CSMD1: variants seen among roughly 807,000 people sequenced by gnomAD.
The protein encoded by CSMD1 is CUB and sushi domain-containing protein 1.
In CSMD1, 213 loss-of-function variants were observed where a neutral mutation model predicts 417.5. The ratio of observed to expected loss-of-function variants is 0.51; its 90% CI spans 0.46 to 0.57. The LOEUF is 0.57. Among genes scored for constraint, CSMD1 ranks in the 20% least tolerant of loss-of-function variants. The pLI, the probability that CSMD1 is intolerant of heterozygous loss-of-function variation, is 0.00. For synonymous variants in CSMD1, 2,862 were observed against 1,736.8 expected, an observed-to-expected ratio of 1.65 and a Z score of -16.11; for missense variants, 6,923 against 4,529.7, an observed-to-expected ratio of 1.53 and a Z score of -15.17.
intron 3 of CSMD1, among the ~76,000 whole-genome samples, chr8:4,158,042 C>G (rs1237626923): frequency 6.6e-6 from 1 of 152,058 alleles, no homozygotes; most frequent in African/African-American, 2.4e-5. Flanking sequence ...CTGCTCAAAG[C>G]TCCTGCTACC....
intron 23 of CSMD1, among the ~76,000 whole-genome samples, chr8:3,325,404 C>T (rs996102478): frequency 9.8e-5 from 15 of 152,346 alleles, no homozygotes; most frequent in African/African-American, 2.4e-4. Flanking sequence ...ACACTTAAGT[C>T]GTAAGCCTTG....
intron 3 of CSMD1, among the ~76,000 whole-genome samples, chr8:4,351,101 C>G (rs542740721): frequency 6.6e-6 from 1 of 151,964 alleles, no homozygotes; most frequent in African/African-American, 2.4e-5. Flanking sequence ...AGAGGATCGC[C>G]TGAGCCCAGG....
intron 3 of CSMD1, among the ~76,000 whole-genome samples, chr8:4,359,710 T>A (rs1012864349): frequency 6.6e-6 from 1 of 152,216 alleles, no homozygotes; most frequent in Non-Finnish European, 1.5e-5. Context: ...TGTGTTTGTC[T>A]ATAGACAGGA....
At chr8:3,674,932 C>T (rs930387209) in intron 7 of CSMD1, among the ~76,000 whole-genome samples, 10 of 152,268 alleles carry the variant, frequency 6.6e-5, no homozygotes, top group Admixed American at 5.9e-4. Context: ...CAACACGTCA[C>T]CCCCTAAGCC....
chr8:3,327,424 C>T (rs572940826), intron 23 of CSMD1, among the ~76,000 whole-genome samples: 2 of 152,292 alleles, frequency 1.3e-5, no homozygotes, highest in Admixed American at 6.5e-5. Context: ...TGAGCCACCT[C>T]GTCCGGCCTA....
At chr8:4,382,165 G>T (rs1279077420) in intron 3 of CSMD1, among the ~76,000 whole-genome samples, 1 of 152,140 alleles carries the variant, frequency 6.6e-6, no homozygotes, top group Non-Finnish European at 1.5e-5. Flanking sequence ...CATTCTTCAT[G>T]GGATGTTATT....
intron 2 of CSMD1, among the ~76,000 whole-genome samples, chr8:4,536,136 T>G (rs1379972273): frequency 6.6e-6 from 1 of 152,216 alleles, no homozygotes; most frequent in African/African-American, 2.4e-5. Flanking sequence ...GGTTCCTTTC[T>G]GTATATATAA....
intron 3 of CSMD1, among the ~76,000 whole-genome samples, chr8:4,249,407 A>C (rs963687587): frequency 6.6e-6 from 1 of 152,246 alleles, no homozygotes; most frequent in African/African-American, 2.4e-5. Flanking sequence ...TTTGCAAAGT[A>C]AACTAATAGT....
intron 3 of CSMD1, among the ~76,000 whole-genome samples, chr8:4,253,347 G>A (rs972215016): frequency 1.3e-5 from 2 of 151,742 alleles, no homozygotes; most frequent in Admixed American, 1.3e-4. Context: ...ACTTATCACT[G>A]TATATTATAA....
At chr8:3,811,512 T>C (rs1179386089) in intron 5 of CSMD1, among the ~76,000 whole-genome samples, 1 of 151,936 alleles carries the variant, frequency 6.6e-6, no homozygotes, top group Non-Finnish European at 1.5e-5. Context: ...TTTAGCAGAG[T>C]TGTTCCCTGG....
chr8:4,874,864 A>G (rs1420565464), intron 1 of CSMD1, among the ~76,000 whole-genome samples: 1 of 148,540 alleles, frequency 6.7e-6, no homozygotes, highest in Non-Finnish European at 1.5e-5. Context: ...TAAATATAGT[A>G]TAGTGTATAT....
intron 1 of CSMD1, among the ~76,000 whole-genome samples, chr8:4,872,026 T>C (rs374667290): frequency 1.2e-4 from 19 of 152,142 alleles, no homozygotes; most frequent in East Asian, 1.2e-3. Flanking sequence ...TGCAAAATCC[T>C]CATGGCTCCT....
chr8:4,669,691 T>G (rs746077533), intron 1 of CSMD1, among the ~76,000 whole-genome samples: 1 of 152,212 alleles, frequency 6.6e-6, no homozygotes, highest in Non-Finnish European at 1.5e-5. Context: ...TTTGCTAACT[T>G]GAACATTTCT....
intron 3 of CSMD1, among the ~76,000 whole-genome samples, chr8:4,289,218 T>G (rs1797226780): frequency 6.6e-6 from 1 of 152,220 alleles, no homozygotes; most frequent in South Asian, 2.1e-4. Context: ...TCTAGATACC[T>G]GTCGGTCATT....
At chr8:3,954,133 AG>A (rs1811767256) in intron 5 of CSMD1, among the ~76,000 whole-genome samples, 1 of 152,142 alleles carries the variant, frequency 6.6e-6, no homozygotes, top group Non-Finnish European at 1.5e-5. Flanking sequence ...CAGTTTCCCG[AG>A]GGGAATCACA....
At position 4,956,078 on chromosome 8, in the gene CSMD1, T is replaced by A. The variant is rs149516325; in HGVS notation, c.85+38254A>T. Among the ~76,000 whole-genome samples the A allele has an allele frequency of 2.3e-3, 347 of 152,206 alleles. 2 individuals are homozygous for A. The highest frequency in any genetic ancestry group is 7.7e-3 in the African/African-American group (319 of 41,534). ...TATCCTGGGGTGACGTAAAACCACT[T>A]AGGGGAGAGTTATTTGGTTATCACC... On this transcript the variant is annotated intron_variant, in intron 1 of 69. Coordinates refer to ENST00000635120, the MANE Select transcript of CSMD1 (RefSeq NM_033225.6).
At chr8:3,764,739 C>CTTTTTTTTT (rs66603480) in intron 5 of CSMD1, among the ~76,000 whole-genome samples, 6 of 129,788 alleles carry the variant, frequency 4.6e-5, no homozygotes, top group Non-Finnish European at 1.6e-5. Flanking sequence ...TTTTCTCTTT[C>CTTTTTTTTT]TTTTTTTTTT....
rs776806966 is a variant in CSMD1, at chr8:3,842,849, G to A, written c.819-88807C>T. Among the ~76,000 whole-genome samples, 2 of 152,084 alleles carry A rather than the reference G, an allele frequency of 1.3e-5. 1 individual carries two copies. Among genetic ancestry groups the A allele is most frequent in the South Asian group, 4.1e-4 (2 of 4,828 alleles). ...AGCAGATGGCTGCTACAATAAATGG[G>A]AATATAGGATTAATATCATTTGTTT... On this transcript the variant is annotated intron_variant, in intron 5 of 69. Coordinates refer to ENST00000635120, the MANE Select transcript of CSMD1 (RefSeq NM_033225.6).
rs369260779 is a variant in CSMD1, at chr8:3,142,549, G to A, written c.6157C>T (p.Leu2053=). Residue 2053 remains leucine, a synonymous_variant, in exon 41 of 70, where the codon CTG becomes TTG. Transcript: ENST00000635120. The part of the protein sequence containing the change: ...QFSGTDLPAA[L]LSTTHETLIH... ...AGGGTTTCATGCGTTGTGCTCAGCA[G>A]GGCCGCGGGGAGATCCGTGCCGCTA... is the stretch of plus-strand genomic sequence containing the variant. 5.7e-5 allele frequency: 92 copies of A among 1,614,018 alleles called. No homozygotes were observed. The African/African-American group carries it at 1.2e-3, about 21-fold the overall frequency.
Sources: gnomAD v4.1 joint callset for allele counts (sites outside exome capture counted in the v4.1 genomes callset) on GRCh38, gnomAD v4.1.1 for gene constraint, MANE v1.5 for transcripts, NCBI Gene and HGNC (gene_info 2026-07-23, HGNC 2026-07-21) for gene names.